Variants in CAPRIN1 observed in about 807,000 individuals in gnomAD.
The protein encoded by CAPRIN1 is caprin-1.
Under a neutral mutation model 100.9 loss-of-function variants are expected in CAPRIN1, and 29 were observed. The observed-to-expected ratio is 0.29, with a 90% confidence interval of 0.21 to 0.39. CAPRIN1 has a LOEUF of 0.39. CAPRIN1 is among the 10% of genes least tolerant of loss of function. The probability of loss-of-function intolerance (pLI) is 1.00; values close to 1 mark genes in which losing one functional copy is unlikely to be tolerated. For synonymous variants in CAPRIN1, 338 were observed against 307.5 expected (o/e 1.10, Z -1.04); for missense variants, 795 against 876.7 (o/e 0.91, Z 1.18).
In CAPRIN1 at chr11:34,099,424, T is replaced by C. The variant is rs1473335254; in HGVS notation, c.*57T>C. On this transcript the variant is annotated 3_prime_UTR_variant, in exon 19 of 19. Coordinates refer to ENST00000341394, the MANE Select transcript of CAPRIN1 (RefSeq NM_005898.5). The stretch of plus-strand genomic sequence containing the variant: ...AAACACACTGGCCAGTGTACCATAA[T>C]ATGTTACCAGAAGAGTTATTATCTA... 5.2e-6 allele frequency: 7 copies of C among 1,358,976 alleles called. No homozygotes were observed. The highest frequency in any genetic ancestry group is 2.3e-5 in the South Asian group (2 of 85,754). 84.2% of individuals were successfully genotyped at this position (1,358,976 alleles called of 1,614,324 possible).
intron 2 of CAPRIN1, among the ~76,000 whole-genome samples, chr11:34,069,907 T>A (rs1442345606): frequency 7.2e-6 from 1 of 137,986 alleles, no homozygotes; most frequent in Admixed American, 7.2e-5. Context: ...TCATTTGACC[T>A]AAAAAAAAAA....
intron 4 of CAPRIN1, among the ~76,000 whole-genome samples, chr11:34,075,483 T>C (rs1035517024): frequency 2.6e-5 from 4 of 152,194 alleles, no homozygotes. Flanking sequence ...GTGGGAAAAA[T>C]ACATTCATAC....
At chr11:34,068,607 G>C (rs990258298) in intron 2 of CAPRIN1, among the ~76,000 whole-genome samples, 6 of 152,178 alleles carry the variant, frequency 3.9e-5, no homozygotes, top group Admixed American at 2.6e-4. Context: ...TGTTATTGGT[G>C]AGAGTCCTAA....
intron 2 of CAPRIN1, among the ~76,000 whole-genome samples, chr11:34,057,311 A>G (rs143910791): frequency 6.6e-6 from 1 of 152,264 alleles, no homozygotes; most frequent in Non-Finnish European, 1.5e-5. Context: ...GTGTGTTTGT[A>G]TGTGTAGCAC....
chr11:34,097,641 G>T (rs2134140070), intron 17 of CAPRIN1, 57 bp from the exon 18 acceptor site: 1 of 1,600,172 alleles, frequency 6.2e-7, no homozygotes, highest in East Asian at 2.2e-5. Flanking sequence ...TGAAAGAATA[G>T]ATGGGTAAGC....
At position 34,076,284 on chromosome 11, in the gene CAPRIN1, G is replaced by C; in HGVS notation, c.415G>C (p.Glu139Gln). 6.2e-7 allele frequency: 1 copy of C among 1,614,208 alleles called. No homozygotes were observed. The highest frequency in any genetic ancestry group is 8.5e-7 in the Non-Finnish European group (1 of 1,180,022). ...AGCACGTCGGGAGCAGCTTATGAGA[G>C]AAGAAGCTGAACAGAAACGTTTAAA... is the stretch of plus-strand genomic sequence containing the variant. ...KTARREQLMR[E>Q]EAEQKRLKTV... The change falls in exon 5 of 19, where the codon GAA becomes CAA. Residue 139 changes from glutamate to glutamine, a missense_variant. Transcript: ENST00000341394.
chr11:34,060,195 CA>C (rs1175800677), intron 2 of CAPRIN1, among the ~76,000 whole-genome samples: 679 of 40,482 alleles, frequency 0.017, 3 homozygotes, highest in African/African-American at 0.05. Flanking sequence ...TACTCCATCT[CA>C]AAAAAAAAAA....
At chr11:34,053,079 C>G (rs909103800) in intron 2 of CAPRIN1, 1 of 1,025,922 alleles carries the variant, frequency 9.7e-7, no homozygotes, top group Non-Finnish European at 1.2e-6. Context: ...GTTGGGGCGG[C>G]CTGCGTCCTG....
intron 2 of CAPRIN1, among the ~76,000 whole-genome samples, chr11:34,062,497 C>T (rs1315492972): frequency 6.6e-6 from 1 of 151,658 alleles, no homozygotes; most frequent in African/African-American, 2.4e-5. Context: ...TGGTGGTGGG[C>T]GCCTGTAGTC....
At chr11:34,063,409 T>C (rs904382376) in intron 2 of CAPRIN1, 5 of 152,224 alleles carry the variant, frequency 3.3e-5, no homozygotes, top group Non-Finnish European at 7.3e-5. Flanking sequence ...AGGTGAAATA[T>C]GATTGATAGT....
chr11:34,095,839 G>A (rs558535593), intron 15 of CAPRIN1: 1 of 152,302 alleles, frequency 6.6e-6, no homozygotes, highest in South Asian at 2.1e-4. Flanking sequence ...CTTCAAGTGG[G>A]TTGAGTGCCA....
intron 2 of CAPRIN1, among the ~76,000 whole-genome samples, chr11:34,055,408 C>T (rs924969145): frequency 3.9e-5 from 6 of 152,178 alleles, no homozygotes; most frequent in African/African-American, 1.2e-4. Flanking sequence ...CTGCAACCTC[C>T]GCCTCCTGGG....
chr11:34,091,976 A>G lies in CAPRIN1; in HGVS notation c.1625A>G (p.Gln542Arg). 3 of 1,614,168 alleles carry G rather than the reference A, an allele frequency of 1.9e-6. No homozygotes were observed. Among genetic ancestry groups the G allele is most frequent in the Admixed American group, 3.3e-5 (2 of 60,030 alleles). The change falls in exon 15 of 19, where the codon CAG becomes CGG. Residue 542 changes from glutamine (Q) to arginine (R), a missense_variant. Physicochemically the swap from Gln to Arg is conservative, Grantham distance 43. This residue lies in a region of CAPRIN1 where 648 missense variants were observed against 697.9 expected (regional missense o/e 0.93). Transcript: ENST00000341394. ...ACTTTAAAACAGCAAAATCAGTACCAGGCCAGTTATAACCAGAGCTTTTCT... is the reference window on the plus strand; with the variant it reads ...ACTTTAAAACAGCAAAATCAGTACCGGGCCAGTTATAACCAGAGCTTTTCT... ...PETLKQQNQY[Q>R]ASYNQSFSSQ...
intron 2 of CAPRIN1, among the ~76,000 whole-genome samples, chr11:34,067,393 T>C (rs888531327): frequency 3.3e-5 from 5 of 152,294 alleles, no homozygotes. Flanking sequence ...TCTTCACCTT[T>C]TAAAAATCTC....
At chr11:34,085,863 T>C (rs1327379911) in intron 9 of CAPRIN1, among the ~76,000 whole-genome samples, 5 of 152,170 alleles carry the variant, frequency 3.3e-5, no homozygotes, top group East Asian at 1.9e-4. Flanking sequence ...AGTGGTCTTA[T>C]GGAACTGAAA....
At chr11:34,087,329 AT>A (rs5790975) in intron 11 of CAPRIN1, among the ~76,000 whole-genome samples, 16 of 96,574 alleles carry the variant, frequency 1.7e-4, no homozygotes, top group African/African-American at 5.2e-4. Context: ...TATCTCTCAC[AT>A]TTTTTTTTTT....
At position 34,052,439 on chromosome 11, in the gene CAPRIN1, C is replaced by A. The variant is rs750015800; in HGVS notation, c.19C>A (p.His7Asn). 2.5e-6 allele frequency: 4 copies of A among 1,607,676 alleles called. No homozygotes were observed. In the Admixed American group the frequency reaches 6.8e-5, roughly 27 times the overall value. Residue 7 changes from histidine to asparagine, a missense_variant, in exon 2 of 19, where the codon CAC (histidine) becomes AAC (asparagine). His to Asn is a moderately conservative substitution (Grantham distance 68). Transcript: ENST00000341394. MPSATS[H>N]SGSGSKSSGP... ...TCTGAAGATGCCCTCGGCCACCAGC[C>A]ACAGCGGGAGCGGCAGCAAGTCGTC...
chr11:34,057,636 A>T (rs2134083569), intron 2 of CAPRIN1, among the ~76,000 whole-genome samples: 1 of 152,272 alleles, frequency 6.6e-6, no homozygotes, highest in Non-Finnish European at 1.5e-5. Flanking sequence ...TTTTTGCAAT[A>T]CTTTTGCAAA....
At chr11:34,073,094 G>A (rs1414118768) in intron 4 of CAPRIN1, among the ~76,000 whole-genome samples, 1 of 150,222 alleles carries the variant, frequency 6.7e-6, no homozygotes, top group Admixed American at 6.6e-5. Context: ...TCCTTGTTAA[G>A]TAATGTGTGA....
Sources: allele counts gnomAD v4.1 joint callset (sites outside exome capture counted in the v4.1 genomes callset), GRCh38; gene constraint gnomAD v4.1.1; regional missense constraint gnomAD v4.1.1; transcripts MANE v1.5; gene names NCBI Gene and HGNC (gene_info 2026-07-23, HGNC 2026-07-21).